JAK2: variants seen among roughly 807,000 people sequenced by gnomAD.
JAK2 encodes the protein tyrosine-protein kinase JAK2.
In JAK2, 86 loss-of-function variants were observed where a neutral mutation model predicts 139.3. That is an observed-to-expected ratio of 0.62 (90% CI 0.52 to 0.74). JAK2 has a LOEUF of 0.74. JAK2 is among the 30% of genes least tolerant of loss of function. The pLI is 0.00. For synonymous variants in JAK2, 490 were observed against 437.7 expected, an observed-to-expected ratio of 1.12 and a Z score of -1.49; for missense variants, 1,421 against 1,360.3, an observed-to-expected ratio of 1.04 and a Z score of -0.70.
intron 22 of JAK2, among the ~76,000 whole-genome samples, chr9:5,122,664 G>A (rs1359644744): frequency 6.6e-6 from 1 of 152,130 alleles, no homozygotes; most frequent in Admixed American, 6.6e-5. Context: ...ATTCATTATA[G>A]GGAAATAACA....
At chr9:5,077,359 A>G (rs560759567) in intron 14 of JAK2, 94 bp from the exon 15 acceptor site, 43 of 420,590 alleles carry the variant, frequency 1.0e-4, no homozygotes, top group African/African-American at 7.7e-4. Flanking sequence ...TTCTTTACCT[A>G]TAATGGTCAC....
intron 2 of JAK2, among the ~76,000 whole-genome samples, chr9:5,018,831 C>T (rs186488216): frequency 1.1e-4 from 16 of 152,122 alleles, no homozygotes; most frequent in Admixed American, 4.6e-4. Flanking sequence ...TTTCATATAT[C>T]GTTCCATTCT....
intron 4 of JAK2, among the ~76,000 whole-genome samples, chr9:5,034,138 CAAAG>C (rs1228466292): frequency 2.0e-5 from 3 of 152,104 alleles, no homozygotes; most frequent in East Asian, 1.9e-4. Context: ...TCAAAAGAAA[CAAAG>C]AAGGCCATTA....
At chr9:5,041,555 G>C in intron 4 of JAK2, 3 of 528,162 alleles carry the variant, frequency 5.7e-6, no homozygotes, top group South Asian at 1.5e-5. Flanking sequence ...TCCCAGAGGA[G>C]ATGGCTACGT....
intron 9 of JAK2, 134 bp downstream of exon 9, chr9:5,065,174 G>C: frequency 2.1e-6 from 1 of 470,818 alleles, no homozygotes; most frequent in Non-Finnish European, 3.6e-6. Context: ...AAGGCTATTT[G>C]CAATCAGATT....
rs1230493711 is a variant in JAK2, at chr9:5,081,826, G to T, written c.2536G>T (p.Glu846Ter). The T allele has an allele frequency of 6.2e-7, 1 of 1,613,626 alleles. No homozygotes were observed. Among genetic ancestry groups the T allele is most frequent in the African/African-American group, 1.3e-5 (1 of 74,918 alleles). ...FEDRDPTQFE[E>*]RHLKFLQQLG... is the part of the protein sequence containing the mutation. ...AGACCGGGATCCTACACAGTTTGAA[G>T]AGAGACATTTGAAATTTCTACAGCA... The change falls in exon 19 of 25, where the codon GAG (glutamate) becomes TAG (stop). Residue 846 changes from glutamate to a stop codon, truncating the protein, a stop_gained. Coordinates refer to ENST00000381652, the MANE Select transcript of JAK2 (RefSeq NM_004972.4). LOFTEE classifies it high-confidence loss of function.
chr9:5,111,487 C>T (rs991275621), intron 22 of JAK2: 18 of 373,682 alleles, frequency 4.8e-5, no homozygotes, highest in Middle Eastern at 5.7e-4. Flanking sequence ...GTGAGGAGTA[C>T]GGTAGGGATG....
chr9:4,994,628 G>T (rs946178043), intron 2 of JAK2, among the ~76,000 whole-genome samples: 2 of 152,224 alleles, frequency 1.3e-5, no homozygotes, highest in African/African-American at 4.8e-5. Flanking sequence ...TGCAAAAGCA[G>T]TTATAGACAA....
intron 5 of JAK2, among the ~76,000 whole-genome samples, chr9:5,047,512 A>G (rs556476838): frequency 1.6e-4 from 24 of 152,300 alleles, no homozygotes; most frequent in Middle Eastern, 3.4e-3. Context: ...TTCAACAACA[A>G]TTGGATGTTT....
intron 22 of JAK2, among the ~76,000 whole-genome samples, chr9:5,092,263 G>T (rs11788790): frequency 0.24 from 36,626 of 151,936 alleles, 4,865 homozygotes; most frequent in South Asian, 0.3. Flanking sequence ...CTTGGTTGAG[G>T]TTGAATAAGG....
intron 13 of JAK2, 56 bp downstream of exon 13, chr9:5,072,682 C>T (rs1274511588): frequency 1.7e-5 from 22 of 1,330,356 alleles, no homozygotes; most frequent in South Asian, 3.6e-5. Context: ...GATGTGCTCT[C>T]ATATGCATAC....
rs1257369981 is a variant in JAK2, at chr9:5,127,744, G to C, written c.*953G>C. On this transcript the variant is annotated 3_prime_UTR_variant, in exon 25 of 25. Transcript: ENST00000381652. ...TAAGCTTAAGCCATAAAATAGATTA[G>C]ATTGTTTTTTAAAAATGGATAGCTC... The C allele has an allele frequency of 8.6e-6, 2 of 232,458 alleles. No individual in the cohort carries two copies. The highest frequency in any genetic ancestry group is 1.1e-4 in the Admixed American group (2 of 17,722). The allele number at this position is 232,458 out of a possible 1,614,324, so 14.4% of individuals were successfully genotyped here. A position where few individuals can be genotyped will look rare whatever the true frequency, so the allele number is the denominator to read the frequency against.
In JAK2 at chr9:5,050,834, A is replaced by G. The variant is rs1352675615; in HGVS notation, c.614+3A>G. 1.2e-6 allele frequency: 2 copies of G among 1,612,048 alleles called. No homozygotes were observed. Among genetic ancestry groups the G allele is most frequent in the South Asian group, 1.1e-5 (1 of 90,894 alleles). On this transcript the variant is annotated splice_donor_region_variant and intron_variant, in intron 6 of 24. Transcript: ENST00000381652. ...CTGGCCATCTATAACTCTATCAGGT[A>G]ATTTTCTTTTGCAAATCCTTACACA... is the stretch of plus-strand genomic sequence containing the variant.
chr9:5,053,445 C>G (rs1411529191), intron 6 of JAK2, among the ~76,000 whole-genome samples: 2 of 151,852 alleles, frequency 1.3e-5, no homozygotes, highest in Non-Finnish European at 2.9e-5. Context: ...ATTTTACTTT[C>G]CTGAAGGTAT....
chr9:5,031,483 C>G (rs969815611), intron 4 of JAK2, among the ~76,000 whole-genome samples: 4 of 152,004 alleles, frequency 2.6e-5, no homozygotes, highest in African/African-American at 9.7e-5. Context: ...AGAGATTAGT[C>G]AACAAATGGT....
chr9:4,995,702 A>G (rs900926895), intron 2 of JAK2, among the ~76,000 whole-genome samples: 13 of 152,232 alleles, frequency 8.5e-5, no homozygotes, highest in Admixed American at 7.2e-4. Flanking sequence ...GAGGCATTCA[A>G]GTACTTGAAA....
intron 3 of JAK2, among the ~76,000 whole-genome samples, chr9:5,027,492 C>G (rs1421298316): frequency 6.6e-6 from 1 of 152,124 alleles, no homozygotes; most frequent in African/African-American, 2.4e-5. Flanking sequence ...TACTGACTGA[C>G]CAGGGTGGTG....
intron 22 of JAK2, 190 bp downstream of exon 22, chr9:5,091,101 T>C (rs1820539098): frequency 6.5e-6 from 3 of 464,602 alleles, no homozygotes; most frequent in Non-Finnish European, 1.1e-5. Context: ...AAATGGCATA[T>C]GCTTTATTTC....
At chr9:5,073,642 AACTATTTATGG>A in intron 13 of JAK2, 45 bp from the exon 14 acceptor site, 1 of 1,283,494 alleles carries the variant, frequency 7.8e-7, no homozygotes, top group South Asian at 1.2e-5. Context: ...GAATTTTCTG[AACTATTTATGG>A]ACAACAGTCA....
Sources: gnomAD v4.1 joint callset for allele counts (sites outside exome capture counted in the v4.1 genomes callset) on GRCh38, gnomAD v4.1.1 for gene constraint, MANE v1.5 for transcripts, NCBI Gene and HGNC (gene_info 2026-07-23, HGNC 2026-07-21) for gene names.